The following RFX2 variants were observed in gnomAD, a reference collection of about 807,000 sequenced individuals.
RFX2 encodes the protein regulatory factor X2.
RFX2 carries 20 observed loss-of-function variants against 87.8 expected under a neutral mutation model. The ratio of observed to expected loss-of-function variants is 0.23; its 90% CI spans 0.16 to 0.33. The LOEUF is 0.33. Ranked by LOEUF, RFX2 falls within the 10% of genes least tolerant of loss-of-function variation. The probability of loss-of-function intolerance (pLI) is 1.00; values close to 1 mark genes in which losing one functional copy is unlikely to be tolerated. For synonymous variants in RFX2, 397 were observed against 431.3 expected, an observed-to-expected ratio of 0.92 and a Z score of 0.98; for missense variants, 767 against 1,012.3, an observed-to-expected ratio of 0.76 and a Z score of 3.29.
Position 6,003,804 on chromosome 19 carries a change from A to G in RFX2, c.1500+397T>C, listed in dbSNP as rs960321650. On this transcript the variant is annotated intron_variant, in intron 13 of 17. Coordinates refer to ENST00000303657, the MANE Select transcript of RFX2 (RefSeq NM_000635.4). Reference sequence around the variant, plus strand: ...AAAAAAAAAAAAAAAAAAAAAAAAAAAAAAGAAATGCTTGTGAGAACGGTG... The same window carrying G: ...AAAAAAAAAAAAAAAAAAAAAAAAAGAAAAGAAATGCTTGTGAGAACGGTG... 3.8e-4 allele frequency among the ~76,000 whole-genome samples: 57 copies of G among 149,246 alleles called. 1 individual carries two copies. Among genetic ancestry groups the G allele is most frequent in the Admixed American group, 2.0e-3 (30 of 14,756 alleles).
At chr19:6,049,431 C>A (rs1473724524) in intron 1 of RFX2, among the ~76,000 whole-genome samples, 1 of 152,198 alleles carries the variant, frequency 6.6e-6, no homozygotes, top group Non-Finnish European at 1.5e-5. Context: ...GGATAAATGG[C>A]GAGACCGTGG....
chr19:6,081,000 C>T (rs1026217385), intron 1 of RFX2, among the ~76,000 whole-genome samples: 1 of 140,444 alleles, frequency 7.1e-6, no homozygotes, highest in African/African-American at 2.7e-5. Flanking sequence ...CATGCCATTG[C>T]ATACCAGCCT....
intron 1 of RFX2, among the ~76,000 whole-genome samples, chr19:6,055,458 G>T (rs1282535609): frequency 6.6e-6 from 1 of 152,114 alleles, no homozygotes; most frequent in East Asian, 1.9e-4. Flanking sequence ...TTGAGACAGG[G>T]TCTCCCTCAG....
chr19:6,033,429 C>T (rs1361510904), intron 5 of RFX2, among the ~76,000 whole-genome samples: 1 of 152,134 alleles, frequency 6.6e-6, no homozygotes, highest in African/African-American at 2.4e-5. Context: ...GGTTATGTCA[C>T]TTCAGACAAA....
chr19:6,105,897 T>C (rs1457851276), intron 1 of RFX2, among the ~76,000 whole-genome samples: 1 of 152,032 alleles, frequency 6.6e-6, no homozygotes, highest in Non-Finnish European at 1.5e-5. Flanking sequence ...CAGGCTCAGC[T>C]TGGCCACCTT....
intron 1 of RFX2, among the ~76,000 whole-genome samples, chr19:6,080,254 CAGAG>C (rs140111900): frequency 7.8e-6 from 1 of 127,760 alleles, no homozygotes; most frequent in Non-Finnish European, 1.7e-5. Context: ...GAGAGAGAGA[CAGAG>C]AGAGAGAGAG....
chr19:6,085,830 G>A (rs569938379), intron 1 of RFX2, among the ~76,000 whole-genome samples: 4 of 152,202 alleles, frequency 2.6e-5, no homozygotes, highest in African/African-American at 4.8e-5. Flanking sequence ...AGTGGCTCAC[G>A]CCTGTAATCC....
At chr19:6,028,788 A>G (rs1398334046) in intron 5 of RFX2, among the ~76,000 whole-genome samples, 1 of 152,050 alleles carries the variant, frequency 6.6e-6, no homozygotes, top group Non-Finnish European at 1.5e-5. Context: ...CTGAATAGAG[A>G]TTTTGGCCGG....
At chr19:6,065,758 C>T (rs2087500822) in intron 1 of RFX2, among the ~76,000 whole-genome samples, 2 of 152,112 alleles carry the variant, frequency 1.3e-5, no homozygotes, top group Admixed American at 1.3e-4. Flanking sequence ...GGGCATTCAG[C>T]AACAAAGTGA....
rs1483997806 is a variant in RFX2, at chr19:6,021,521, G to A, written c.597+4642C>T. 1.3e-5 allele frequency among the ~76,000 whole-genome samples: 2 copies of A among 152,204 alleles called. No individual in the cohort carries two copies. The highest frequency in any genetic ancestry group is 2.9e-5 in the Non-Finnish European group (2 of 68,038). On this transcript the variant is annotated intron_variant, in intron 6 of 17. Coordinates refer to ENST00000303657, the MANE Select transcript of RFX2 (RefSeq NM_000635.4). The surrounding 1 kb of genome is among the most constrained non-coding windows in gnomAD (Gnocchi z 5.7). The stretch of plus-strand genomic sequence containing the variant: ...TATAGTAAGTTGAGGTGGGGTGGGG[G>A]TGTCAGGCAGGGCTCACTGAGAAAG...
Position 6,011,170 on chromosome 19 carries a change from G to C in RFX2, c.900-919C>G, listed in dbSNP as rs747059579. 7.0e-6 allele frequency among the ~76,000 whole-genome samples: 1 copy of C among 143,684 alleles called. No individual in the cohort carries two copies. The highest frequency in any genetic ancestry group is 1.5e-5 in the Non-Finnish European group (1 of 67,836). The allele number at this position is 143,684 out of a possible 152,430, so 94.3% of individuals were successfully genotyped here. On this transcript the variant is annotated intron_variant, in intron 8 of 17. Transcript: ENST00000303657. This position sits in a 1 kb window ranked among gnomAD's most constrained non-coding sequence, Gnocchi z 4.8. Reference sequence around the variant, plus strand: ...AAATAAAATAAAATAAAATAAAAGGGAGATTCTTTGCGTGAATCACAAACA... The same window carrying C: ...AAATAAAATAAAATAAAATAAAAGGCAGATTCTTTGCGTGAATCACAAACA...
chr19:6,054,243 T>C lies in RFX2; in HGVS notation c.-8-6739A>G, dbSNP rs138825853. Among the ~76,000 whole-genome samples the C allele has an allele frequency of 8.5e-3, 1,295 of 151,890 alleles. 8 individuals carry two copies. Among genetic ancestry groups the C allele is most frequent in the Non-Finnish European group, 0.013 (854 of 67,920 alleles). ...AATGTAATACATATAACAAAAAAAT[T>C]GAATATGTTATTGGAAACTTCCCTA... On this transcript the variant is annotated intron_variant, in intron 1 of 17. Transcript: ENST00000303657.
chr19:6,066,595 C>A (rs572149804), intron 1 of RFX2, among the ~76,000 whole-genome samples: 1 of 152,334 alleles, frequency 6.6e-6, no homozygotes, highest in East Asian at 1.9e-4. Context: ...AAGTTTGTTT[C>A]AATGGGGCCT....
At chr19:6,009,749 T>G (rs1248270197) in intron 9 of RFX2, among the ~76,000 whole-genome samples, 1 of 152,104 alleles carries the variant, frequency 6.6e-6, no homozygotes, top group Non-Finnish European at 1.5e-5. Context: ...GCCTGGCTAA[T>G]TTTTTAAGTT....
intron 1 of RFX2, chr19:6,073,100 C>G (rs2087632689): frequency 4.4e-6 from 2 of 450,082 alleles, no homozygotes; most frequent in East Asian, 9.3e-5. Flanking sequence ...ATGCCTCAGC[C>G]TCCAGAGTAG....
At chr19:6,062,249 C>A (rs1341711993) in intron 1 of RFX2, among the ~76,000 whole-genome samples, 1 of 152,222 alleles carries the variant, frequency 6.6e-6, no homozygotes, top group Non-Finnish European at 1.5e-5. Flanking sequence ...ACCCCAAGGA[C>A]AACAGCAGCG....
chr19:6,019,368 G>C (rs1416869688), intron 6 of RFX2, among the ~76,000 whole-genome samples: 1 of 151,982 alleles, frequency 6.6e-6, no homozygotes, highest in Non-Finnish European at 1.5e-5. Flanking sequence ...TACAATGGAG[G>C]CAGTGTTGCT....
At position 5,997,380 on chromosome 19, in the gene RFX2, G is replaced by A. The variant is rs1255366924; in HGVS notation, c.1860-167C>T. The A allele has an allele frequency of 1.3e-6, 1 of 759,636 alleles. No homozygotes were observed. Among genetic ancestry groups the A allele is most frequent in the South Asian group, 2.1e-5 (1 of 48,544 alleles). 47.1% of individuals were successfully genotyped at this position (759,636 alleles called of 1,614,324 possible). A position where few individuals can be genotyped will look rare whatever the true frequency, so the allele number is the denominator to read the frequency against. ...CCTACGCGGGGGCTGACGGGCTGCC[G>A]AGACCCTGGGCCCACGTGACGGACA... On this transcript the variant is annotated intron_variant, in intron 15 of 17. Transcript: ENST00000303657. This position sits in a 1 kb window ranked among gnomAD's most constrained non-coding sequence, Gnocchi z 4.2.
At position 6,083,217 on chromosome 19, in the gene RFX2, A is replaced by T. The variant is rs2144863690; in HGVS notation, c.-9+27176T>A. Among the ~76,000 whole-genome samples the T allele has an allele frequency of 6.6e-6, 1 of 152,188 alleles. No homozygotes were observed. Among genetic ancestry groups the T allele is most frequent in the South Asian group, 2.1e-4 (1 of 4,830 alleles). ...CCACTGTGCCCGGCCTTCATCATGA[A>T]ATTTTTTGGCATTTATTTTGATTTT... On this transcript the variant is annotated intron_variant, in intron 1 of 17. Coordinates refer to ENST00000303657, the MANE Select transcript of RFX2 (RefSeq NM_000635.4). The surrounding 1 kb of genome is among the most constrained non-coding windows in gnomAD (Gnocchi z 4.6).
Sources: gnomAD v4.1 joint callset for allele counts (sites outside exome capture counted in the v4.1 genomes callset) on GRCh38, gnomAD v4.1.1 for gene constraint, Gnocchi (gnomAD v3.1) non-coding constraint, MANE v1.5 for transcripts, NCBI Gene and HGNC (gene_info 2026-07-23, HGNC 2026-07-21) for gene names.